Variants in GALNT1 observed in about 807,000 individuals in gnomAD.
GALNT1 encodes polypeptide N-acetylgalactosaminyltransferase 1.
Under a neutral mutation model 65.7 loss-of-function variants are expected in GALNT1, and 17 were observed. That is an observed-to-expected ratio of 0.26 (90% CI 0.18 to 0.39). The LOEUF (loss-of-function observed/expected upper bound fraction) is 0.39, where lower values mean the gene tolerates loss of function less well. Among genes scored for constraint, GALNT1 ranks in the 10% least tolerant of loss-of-function variants. The pLI is 1.00. For synonymous variants in GALNT1, 210 were observed against 219.7 expected (o/e 0.96, Z 0.39); for missense variants, 460 against 672.8 (o/e 0.68, Z 3.50).
intron 2 of GALNT1, among the ~76,000 whole-genome samples, chr18:35,657,629 C>T (rs2047411425): frequency 6.6e-6 from 1 of 152,106 alleles, no homozygotes; most frequent in Non-Finnish European, 1.5e-5. Context: ...AGGAGTAGGT[C>T]ATAGAAGCCC....
intron 4 of GALNT1, among the ~76,000 whole-genome samples, chr18:35,681,291 C>T (rs1176569437): frequency 6.6e-6 from 1 of 152,122 alleles, no homozygotes; most frequent in African/African-American, 2.4e-5. Flanking sequence ...TAACTCATGG[C>T]TTCATTTTTG....
At chr18:35,582,880 G>T (rs979262102) in intron 1 of GALNT1, among the ~76,000 whole-genome samples, 1 of 152,236 alleles carries the variant, frequency 6.6e-6, no homozygotes, top group East Asian at 1.9e-4. Flanking sequence ...GTCCAGCGTG[G>T]GAGCCACTAA....
chr18:35,702,002 C>T (rs112860749), intron 9 of GALNT1, among the ~76,000 whole-genome samples: 1 of 152,126 alleles, frequency 6.6e-6, no homozygotes, highest in East Asian at 1.9e-4. Flanking sequence ...ACATTACCCC[C>T]CCAGTTCCTG....
In GALNT1 at chr18:35,691,084, C is replaced by A; in HGVS notation, c.1051C>A (p.Pro351Thr). Residue 351 changes from proline (P) to threonine (T), a missense_variant, in exon 8 of 12, where the codon CCT becomes ACT. Transcript: ENST00000269195. Reference sequence around the variant, plus strand: ...TGGACATGTGTTTCGGAAAGCTACACCTTACACGTTTCCAGGAGGCACAGG... The same window carrying A: ...TGGACATGTGTTTCGGAAAGCTACAACTTACACGTTTCCAGGAGGCACAGG... ...HVGHVFRKAT[P>T]YTFPGGTGQI... is the part of the protein sequence containing the mutation. 1 of 1,613,384 alleles carries A rather than the reference C, an allele frequency of 6.2e-7. No individual in the cohort carries two copies. The highest frequency in any genetic ancestry group is 8.5e-7 in the Non-Finnish European group (1 of 1,179,660).
At chr18:35,665,095 C>A (rs1398267275) in intron 3 of GALNT1, among the ~76,000 whole-genome samples, 1 of 152,160 alleles carries the variant, frequency 6.6e-6, no homozygotes, top group Non-Finnish European at 1.5e-5. Flanking sequence ...GCCTCTTGGT[C>A]TTCCATTCTT....
chr18:35,675,548 G>C (rs924460896), intron 3 of GALNT1, among the ~76,000 whole-genome samples: 1 of 151,980 alleles, frequency 6.6e-6, no homozygotes, highest in Non-Finnish European at 1.5e-5. Context: ...TATTATACAA[G>C]TAGTAAATTT....
At chr18:35,645,003 T>A (rs2047210950) in intron 1 of GALNT1, among the ~76,000 whole-genome samples, 1 of 151,684 alleles carries the variant, frequency 6.6e-6, no homozygotes, top group African/African-American at 2.4e-5. Context: ...AATAAATAAA[T>A]AAGTAAATGA....
chr18:35,615,370 C>T (rs1399414301), intron 1 of GALNT1, among the ~76,000 whole-genome samples: 1 of 150,466 alleles, frequency 6.6e-6, no homozygotes, highest in African/African-American at 2.5e-5. Flanking sequence ...GGTTGGGATT[C>T]TTAGCCACAT....
At chr18:35,606,953 C>T (rs2046657817) in intron 1 of GALNT1, among the ~76,000 whole-genome samples, 2 of 151,408 alleles carry the variant, frequency 1.3e-5, no homozygotes, top group South Asian at 2.1e-4. Context: ...TATCACATTC[C>T]AGAGGAAACT....
At chr18:35,671,855 T>C (rs1253079256) in intron 3 of GALNT1, among the ~76,000 whole-genome samples, 2 of 152,226 alleles carry the variant, frequency 1.3e-5, no homozygotes, top group Non-Finnish European at 2.9e-5. Flanking sequence ...TGAGCACTGA[T>C]ATTATTCTTC....
intron 1 of GALNT1, among the ~76,000 whole-genome samples, chr18:35,650,680 A>G (rs924384448): frequency 2.6e-5 from 4 of 152,088 alleles, no homozygotes; most frequent in Admixed American, 6.6e-5. Context: ...TATTTCTCCT[A>G]TTTGCTTTTG....
intron 1 of GALNT1, among the ~76,000 whole-genome samples, chr18:35,630,723 T>C (rs1415974360): frequency 1.3e-5 from 2 of 151,882 alleles, no homozygotes. Context: ...CTAAAGGAGA[T>C]AGAGACACAA....
chr18:35,587,841 T>G (rs2046395995), intron 1 of GALNT1, among the ~76,000 whole-genome samples: 1 of 152,242 alleles, frequency 6.6e-6, no homozygotes, highest in Non-Finnish European at 1.5e-5. Flanking sequence ...CACCTTTGTT[T>G]TATTTTTATT....
intron 1 of GALNT1, among the ~76,000 whole-genome samples, chr18:35,648,206 AT>A (rs1351794594): frequency 1.3e-5 from 2 of 151,988 alleles, no homozygotes; most frequent in East Asian, 3.9e-4. Context: ...CTGACTTAAG[AT>A]TTTTTGACTT....
At chr18:35,693,887 T>C (rs1798883976) in intron 9 of GALNT1, among the ~76,000 whole-genome samples, 1 of 152,002 alleles carries the variant, frequency 6.6e-6, no homozygotes, top group Admixed American at 6.6e-5. Flanking sequence ...CCGAGGACAA[T>C]GCCAGAGGGA....
At chr18:35,608,481 C>G (rs1366691385) in intron 1 of GALNT1, among the ~76,000 whole-genome samples, 1 of 152,118 alleles carries the variant, frequency 6.6e-6, no homozygotes, top group East Asian at 1.9e-4. Flanking sequence ...GTGTAAAACA[C>G]CACTCAGAAT....
At position 35,692,249 on chromosome 18, in the gene GALNT1, C is replaced by T. The variant is rs750180079; in HGVS notation, c.1228C>T (p.Pro410Ser). Reference protein sequence around the residue: ...VGLRHKLQCKPFSWYLENIYP... With the variant: ...VGLRHKLQCKSFSWYLENIYP... ...TCTAAGACACAAACTACAATGCAAA[C>T]CTTTTTCCTGGTACCTAGAGAATAT... Residue 410 changes from proline to serine, a missense_variant, in exon 9 of 12, where the codon CCT becomes TCT. Transcript: ENST00000269195. 6.2e-7 allele frequency: 1 copy of T among 1,607,682 alleles called. No homozygotes were observed. The highest frequency in any genetic ancestry group is 8.5e-7 in the Non-Finnish European group (1 of 1,174,768).
At chr18:35,594,998 C>G (rs959991677) in intron 1 of GALNT1, among the ~76,000 whole-genome samples, 2 of 152,048 alleles carry the variant, frequency 1.3e-5, no homozygotes, top group East Asian at 1.9e-4. Flanking sequence ...GATGGTAACT[C>G]TAGTGTTGAA....
At chr18:35,659,520 C>T (rs185697796) in intron 2 of GALNT1, among the ~76,000 whole-genome samples, 1 of 152,190 alleles carries the variant, frequency 6.6e-6, no homozygotes, top group African/African-American at 2.4e-5. Flanking sequence ...GGGTTATGGC[C>T]TAGGAATATT....
Sources: gnomAD v4.1 joint callset for allele counts (sites outside exome capture counted in the v4.1 genomes callset) on GRCh38, gnomAD v4.1.1 for gene constraint, MANE v1.5 for transcripts, NCBI Gene and HGNC (gene_info 2026-07-23, HGNC 2026-07-21) for gene names.